ROBO2: variants seen among roughly 807,000 people sequenced by gnomAD.
ROBO2 encodes roundabout homolog 2.
Under a neutral mutation model 160.8 loss-of-function variants are expected in ROBO2, and 53 were observed. The observed-to-expected ratio is 0.33, with a 90% CI of 0.26 to 0.41. ROBO2 has a LOEUF of 0.41. Among genes scored for constraint, ROBO2 ranks in the 10% least tolerant of loss-of-function variants. ROBO2 has a pLI of 1.00. For synonymous variants in ROBO2, 664 were observed against 611.7 expected, an observed-to-expected ratio of 1.09 and a Z score of -1.26; for missense variants, 1,577 against 1,722.4, an observed-to-expected ratio of 0.92 and a Z score of 1.49.
intron 2 of ROBO2, among the ~76,000 whole-genome samples, chr3:76,123,431 T>C (rs917972054): frequency 6.6e-6 from 1 of 152,184 alleles, no homozygotes; most frequent in Admixed American, 6.5e-5. Flanking sequence ...ATGAGTTTCT[T>C]GTATGTAAGT....
intron 2 of ROBO2, among the ~76,000 whole-genome samples, chr3:77,010,623 T>C (rs186097754): frequency 1.3e-4 from 20 of 152,220 alleles, no homozygotes; most frequent in Non-Finnish European, 2.2e-4. Context: ...TTACCCGTGG[T>C]GTTCCTTCTT....
chr3:77,583,154 A>G (rs1391894253), intron 16 of ROBO2, among the ~76,000 whole-genome samples: 1 of 118,280 alleles, frequency 8.5e-6, no homozygotes, highest in Non-Finnish European at 2.0e-5. Flanking sequence ...TGTCTCTCCA[A>G]AAAAAAAAAA....
intron 1 of ROBO2, among the ~76,000 whole-genome samples, chr3:77,092,403 T>G (rs1297269446): frequency 2.0e-5 from 3 of 151,874 alleles, no homozygotes; most frequent in African/African-American, 7.3e-5. Context: ...ATTCTGCTTC[T>G]CCTATCTATT....
intron 2 of ROBO2, among the ~76,000 whole-genome samples, chr3:77,237,725 G>A (rs2151333452): frequency 6.6e-6 from 1 of 152,256 alleles, no homozygotes; most frequent in African/African-American, 2.4e-5. Flanking sequence ...TGTTGTTGTT[G>A]TTGCTTTTCA....
chr3:76,751,482 G>A (rs986852964), intron 2 of ROBO2, among the ~76,000 whole-genome samples: 3 of 151,660 alleles, frequency 2.0e-5, no homozygotes, highest in African/African-American at 4.8e-5. Flanking sequence ...GAATTTAAAA[G>A]AAACTACCAT....
chr3:76,877,959 T>C (rs2072930768), intron 2 of ROBO2, among the ~76,000 whole-genome samples: 1 of 152,212 alleles, frequency 6.6e-6, no homozygotes, highest in South Asian at 2.1e-4. Flanking sequence ...TCTTTCTCTC[T>C]TCCTCTTCTT....
intron 2 of ROBO2, among the ~76,000 whole-genome samples, chr3:76,182,625 C>T (rs775776142): frequency 1.3e-5 from 2 of 152,098 alleles, no homozygotes; most frequent in African/African-American, 2.4e-5. Context: ...TTGTGAATTA[C>T]ATTGTGCTCT....
At chr3:76,194,015 T>A (rs189392330) in intron 2 of ROBO2, among the ~76,000 whole-genome samples, 78 of 152,242 alleles carry the variant, frequency 5.1e-4, no homozygotes, top group Admixed American at 5.2e-4. Flanking sequence ...GAATAAGGAT[T>A]TGAACTCAGA....
chr3:76,428,716 C>T (rs889639423), intron 2 of ROBO2, among the ~76,000 whole-genome samples: 1 of 152,118 alleles, frequency 6.6e-6, no homozygotes, highest in Non-Finnish European at 1.5e-5. Flanking sequence ...CATTTGACTA[C>T]TATTATTAGT....
intron 2 of ROBO2, among the ~76,000 whole-genome samples, chr3:77,285,922 A>G (rs2153379046): frequency 6.6e-6 from 1 of 152,326 alleles, no homozygotes; most frequent in Non-Finnish European, 1.5e-5. Flanking sequence ...AATGCCCTAT[A>G]TAAATACCAA....
At chr3:76,970,288 G>C (rs1185607106) in intron 2 of ROBO2, among the ~76,000 whole-genome samples, 1 of 152,110 alleles carries the variant, frequency 6.6e-6, no homozygotes, top group African/African-American at 2.4e-5. Context: ...CGGGAAAGGA[G>C]ATTTTAAGTA....
chr3:76,438,670 C>T (rs2076791364), intron 2 of ROBO2, among the ~76,000 whole-genome samples: 1 of 151,862 alleles, frequency 6.6e-6, no homozygotes, highest in Non-Finnish European at 1.5e-5. Context: ...TGTAATTATA[C>T]TTGTAATTAC....
intron 2 of ROBO2, among the ~76,000 whole-genome samples, chr3:77,357,206 C>T (rs1319448369): frequency 2.0e-5 from 3 of 152,080 alleles, no homozygotes; most frequent in Non-Finnish European, 4.4e-5. Flanking sequence ...AAACTTAATC[C>T]CCAATGCAAC....
At chr3:77,363,905 G>A (rs527281347) in intron 2 of ROBO2, among the ~76,000 whole-genome samples, 57 of 152,152 alleles carry the variant, frequency 3.7e-4, no homozygotes, top group Middle Eastern at 3.4e-3. Flanking sequence ...GAAGACAGGG[G>A]GCTGGGAGAA....
chr3:77,184,406 A>G (rs573207894), intron 2 of ROBO2, among the ~76,000 whole-genome samples: 1 of 152,098 alleles, frequency 6.6e-6, no homozygotes, highest in East Asian at 1.9e-4. Flanking sequence ...TGATAAAGGG[A>G]ATATTATATG....
chr3:76,288,482 C>T (rs1708638551), intron 2 of ROBO2, among the ~76,000 whole-genome samples: 2 of 144,678 alleles, frequency 1.4e-5, no homozygotes, highest in Admixed American at 7.0e-5. Context: ...CAGACTAGAT[C>T]TTTTTTTTTT....
intron 2 of ROBO2, among the ~76,000 whole-genome samples, chr3:77,327,059 A>G (rs1285710725): frequency 6.6e-6 from 1 of 152,246 alleles, no homozygotes; most frequent in East Asian, 1.9e-4. Context: ...GAATGATATT[A>G]TAAAAGTTCA....
chr3:76,807,413 A>G (rs2064816177), intron 2 of ROBO2, among the ~76,000 whole-genome samples: 1 of 152,094 alleles, frequency 6.6e-6, no homozygotes, highest in Admixed American at 6.6e-5. Context: ...GCAGTTTTTA[A>G]AAACTCTTCA....
At chr3:76,096,764 A>C (rs565925573) in intron 2 of ROBO2, among the ~76,000 whole-genome samples, 1 of 152,234 alleles carries the variant, frequency 6.6e-6, no homozygotes, top group African/African-American at 2.4e-5. Flanking sequence ...TTCATAGAAA[A>C]GTAAACTGAA....
Sources: allele counts gnomAD v4.1 joint callset (sites outside exome capture counted in the v4.1 genomes callset), GRCh38; gene constraint gnomAD v4.1.1; transcripts MANE v1.5; gene names NCBI Gene and HGNC (gene_info 2026-07-23, HGNC 2026-07-21).